GRAMD2B: variants seen among roughly 807,000 people sequenced by gnomAD.
GRAMD2B encodes GRAM domain-containing protein 2B.
A neutral mutation model predicts 59.2 loss-of-function variants in GRAMD2B; 41 were observed. That is an observed-to-expected ratio of 0.69 (90% CI 0.54 to 0.90). The LOEUF (loss-of-function observed/expected upper bound fraction) is 0.90, where lower values mean the gene tolerates loss of function less well. Ranked by LOEUF, GRAMD2B falls within the 40% of genes least tolerant of loss-of-function variation. The probability of loss-of-function intolerance (pLI) is 0.00; values close to 1 mark genes in which losing one functional copy is unlikely to be tolerated. For synonymous variants in GRAMD2B, 161 were observed against 182.7 expected, an observed-to-expected ratio of 0.88 and a Z score of 0.96; for missense variants, 424 against 500.5, an observed-to-expected ratio of 0.85 and a Z score of 1.46.
upstream of GRAMD2B, chr5:126,423,052 T>C (rs1478040998): frequency 7.8e-6 from 4 of 509,600 alleles, no homozygotes; most frequent in Non-Finnish European, 1.0e-5. Context: ...AATGAAGCAA[T>C]ATCCTGTTTG....
At position 126,411,260 on chromosome 5, in the gene GRAMD2B, A is replaced by G. The variant is rs946518437; in HGVS notation, c.125+39693A>G. 2.0e-5 allele frequency among the ~76,000 whole-genome samples: 3 copies of G among 152,040 alleles called. No homozygotes were observed. The East Asian group carries it at 5.8e-4, about 29-fold the overall frequency. On this transcript the variant is annotated intron_variant, in intron 1 of 8. Transcript: ENST00000506445. The stretch of plus-strand genomic sequence containing the variant: ...GGTCTTACATTAAAATCTTTTATCC[A>G]TCTTGAGTTAATTTGTGTATATGGT...
At chr5:126,402,406 T>C (rs2149741350) in intron 1 of GRAMD2B, among the ~76,000 whole-genome samples, 1 of 152,196 alleles carries the variant, frequency 6.6e-6, no homozygotes, top group South Asian at 2.1e-4. Context: ...AAATACTACC[T>C]TGGTAAATAC....
At chr5:126,483,849 ATTTTGT>A (rs776718517) in intron 9 of GRAMD2B, among the ~76,000 whole-genome samples, 25 of 152,018 alleles carry the variant, frequency 1.6e-4, no homozygotes, top group Non-Finnish European at 3.1e-4. Flanking sequence ...AAAACATACA[ATTTTGT>A]TTTTGTTTTT....
At chr5:126,483,906 G>A (rs1282074394) in intron 9 of GRAMD2B, among the ~76,000 whole-genome samples, 1 of 152,214 alleles carries the variant, frequency 6.6e-6, no homozygotes, top group African/African-American at 2.4e-5. Context: ...CTCGGCTCCT[G>A]CAACCTCCAC....
At chr5:126,486,300 A>G (rs1024090373) in intron 11 of GRAMD2B, among the ~76,000 whole-genome samples, 2 of 152,230 alleles carry the variant, frequency 1.3e-5, no homozygotes, top group African/African-American at 4.8e-5. Context: ...CTATCTAGCT[A>G]TAATTTTGTT....
intron 12 of GRAMD2B, among the ~76,000 whole-genome samples, chr5:126,488,151 A>G (rs1773294693): frequency 6.6e-6 from 1 of 152,208 alleles, no homozygotes; most frequent in African/African-American, 2.4e-5. Flanking sequence ...TATACACTTG[A>G]ACTAATAAAA....
chr5:126,408,939 G>A (rs547198676), intron 1 of GRAMD2B, among the ~76,000 whole-genome samples: 20 of 148,854 alleles, frequency 1.3e-4, no homozygotes, highest in African/African-American at 5.0e-4. Context: ...AATATGCGGT[G>A]TTTGGCCTTT....
chr5:126,413,670 T>A (rs896073482), intron 1 of GRAMD2B, among the ~76,000 whole-genome samples: 1 of 152,074 alleles, frequency 6.6e-6, no homozygotes, highest in Non-Finnish European at 1.5e-5. Flanking sequence ...TTTTCTGCCT[T>A]GATGATCTAA....
chr5:126,368,017 C>T (rs1335066328), upstream of GRAMD2B, among the ~76,000 whole-genome samples: 2 of 152,246 alleles, frequency 1.3e-5, no homozygotes. Flanking sequence ...TCCCAAAGTG[C>T]TGGGATTACA....
Position 126,426,944 on chromosome 5 carries a change from G to A in GRAMD2B, c.83+3255G>A, listed in dbSNP as rs148838461. The stretch of plus-strand genomic sequence containing the variant: ...TGAATCCCTTTCTGACCAAGAATAA[G>A]TACTTTAGCTGTATATTTCCTTTTG... On this transcript the variant is annotated intron_variant, in intron 1 of 13. Coordinates refer to ENST00000285689, the MANE Select transcript of GRAMD2B (RefSeq NM_023927.4). Among the ~76,000 whole-genome samples, 225 of 152,258 alleles carry A rather than the reference G, an allele frequency of 1.5e-3. 2 individuals are homozygous for A. Among genetic ancestry groups the A allele is most frequent in the African/African-American group, 5.1e-3 (213 of 41,560 alleles).
At chr5:126,485,515 T>A (rs775632278) in intron 10 of GRAMD2B, among the ~76,000 whole-genome samples, 171 bp from the exon 11 acceptor site, 2 of 152,168 alleles carry the variant, frequency 1.3e-5, no homozygotes, top group Non-Finnish European at 2.9e-5. Context: ...ATGGAATGTG[T>A]TGGAAGGAAT....
upstream of GRAMD2B, among the ~76,000 whole-genome samples, chr5:126,370,111 C>T (rs959221717): frequency 1.3e-5 from 2 of 152,184 alleles, no homozygotes; most frequent in African/African-American, 4.8e-5. Context: ...AAGGTGACCA[C>T]CTGCCCCAGT....
intron 5 of GRAMD2B, among the ~76,000 whole-genome samples, chr5:126,474,616 A>T (rs73785317): frequency 0.033 from 4,997 of 152,308 alleles, 276 homozygotes; most frequent in African/African-American, 0.11. Context: ...TCAGGAATTC[A>T]TAGAGAGCCA....
rs76248991 is a variant in GRAMD2B at position 126,414,194 on chromosome 5, C to G, written c.125+42627C>G. On this transcript the variant is annotated intron_variant, in intron 1 of 8. Coordinates refer to the GRAMD2B transcript ENST00000506445. ...TCCCACCAGCTCTCATCACCTGATT[C>G]TTTGTAGTGTCTACTGCAAATTTAT... is the stretch of plus-strand genomic sequence containing the variant. 4.5e-4 allele frequency among the ~76,000 whole-genome samples: 68 copies of G among 152,288 alleles called. 1 individual carries two copies. In the East Asian group the frequency reaches 0.013, roughly 29 times the overall value.
chr5:126,411,507 A>G (rs887380528), intron 1 of GRAMD2B, among the ~76,000 whole-genome samples: 4 of 151,922 alleles, frequency 2.6e-5, no homozygotes, highest in African/African-American at 9.7e-5. Flanking sequence ...TTACTGTAGC[A>G]TTATAGTATA....
chr5:126,435,839 C>G (rs1762323213), intron 1 of GRAMD2B, among the ~76,000 whole-genome samples: 1 of 152,108 alleles, frequency 6.6e-6, no homozygotes, highest in African/African-American at 2.4e-5. Flanking sequence ...TTTTCTTTCC[C>G]TAGGTAAACA....
intron 5 of GRAMD2B, 36 bp downstream of exon 5, chr5:126,473,404 A>G: frequency 1.5e-6 from 1 of 682,658 alleles, no homozygotes; most frequent in Non-Finnish European, 2.4e-6. Context: ...CTAACCCTAT[A>G]CTTTATTATA....
intron 1 of GRAMD2B, among the ~76,000 whole-genome samples, chr5:126,455,185 C>A (rs1398809408): frequency 6.6e-6 from 1 of 152,142 alleles, no homozygotes; most frequent in Admixed American, 6.5e-5. Context: ...TCTCTTGTCT[C>A]CAGCTTCCAC....
At chr5:126,381,290 G>A (rs974757280) in intron 1 of GRAMD2B, among the ~76,000 whole-genome samples, 2 of 152,026 alleles carry the variant, frequency 1.3e-5, no homozygotes, top group Non-Finnish European at 2.9e-5. Context: ...TATACTATTG[G>A]ATTCAGTCAG....
Sources: gnomAD v4.1 joint callset for allele counts (sites outside exome capture counted in the v4.1 genomes callset) on GRCh38, gnomAD v4.1.1 for gene constraint, MANE v1.5 for transcripts, NCBI Gene and HGNC (gene_info 2026-07-23, HGNC 2026-07-21) for gene names.